RXFP1: variants seen among roughly 807,000 people sequenced by gnomAD.
RXFP1 encodes relaxin family peptide receptor 1.
In RXFP1, 73 loss-of-function variants were observed where a neutral mutation model predicts 89.8. The observed-to-expected ratio is 0.81, with a 90% CI of 0.67 to 0.99. The LOEUF is 0.99. Ranked by LOEUF, RXFP1 falls within the 50% of genes least tolerant of loss-of-function variation. The pLI, the probability that RXFP1 is intolerant of heterozygous loss-of-function variation, is 0.00. For synonymous variants in RXFP1, 277 were observed against 305.5 expected (o/e 0.91, Z 0.97); for missense variants, 793 against 895.5 (o/e 0.89, Z 1.46).
chr4:158,567,045 C>T (rs968335183), intron 1 of RXFP1, among the ~76,000 whole-genome samples: 2 of 152,286 alleles, frequency 1.3e-5, no homozygotes, highest in African/African-American at 2.4e-5. Context: ...AGTGGCCGGC[C>T]GGCCCGCCAG....
intron 1 of RXFP1, among the ~76,000 whole-genome samples, chr4:158,542,871 T>C (rs1747169784): frequency 6.6e-6 from 1 of 152,146 alleles, no homozygotes; most frequent in Non-Finnish European, 1.5e-5. Context: ...AACAGTGACT[T>C]AAACAAATAA....
chr4:158,585,506 A>T (rs1190601865), intron 2 of RXFP1, among the ~76,000 whole-genome samples: 2 of 152,160 alleles, frequency 1.3e-5, no homozygotes, highest in Non-Finnish European at 2.9e-5. Context: ...CAGAATTCAA[A>T]TTGGTATGCC....
At chr4:158,525,619 A>G (rs1742319717) in intron 1 of RXFP1, among the ~76,000 whole-genome samples, 1 of 152,226 alleles carries the variant, frequency 6.6e-6, no homozygotes, top group African/African-American at 2.4e-5. Context: ...AACTGTAAGC[A>G]TTTAGACCAT....
At chr4:158,542,109 A>ATATATATATATATATATATTTTTTT in intron 1 of RXFP1, among the ~76,000 whole-genome samples, 6 of 35,238 alleles carry the variant, frequency 1.7e-4, no homozygotes, top group Non-Finnish European at 2.8e-4. Context: ...ATATATATAT[A>ATATATATATATATATATATTTTTTT]TTTTTTTTTT....
chr4:158,590,915 C>T (rs1048309728), intron 2 of RXFP1, among the ~76,000 whole-genome samples: 5 of 152,172 alleles, frequency 3.3e-5, no homozygotes, highest in Non-Finnish European at 7.3e-5. Flanking sequence ...AGGGAATACA[C>T]CACTGTATAG....
At chr4:158,646,724 AT>A (rs1195776604) in intron 15 of RXFP1, 66 bp from the exon 16 acceptor site, 1 of 1,487,302 alleles carries the variant, frequency 6.7e-7, no homozygotes, top group Non-Finnish European at 9.0e-7. Flanking sequence ...TAAAAATATT[AT>A]TGCTTATTGA....
intron 12 of RXFP1, among the ~76,000 whole-genome samples, chr4:158,634,807 T>C (rs141188787): frequency 3.2e-4 from 48 of 152,304 alleles, no homozygotes; most frequent in African/African-American, 1.1e-3. Context: ...CCATTGAATG[T>C]CCTTGGCACC....
intron 9 of RXFP1, among the ~76,000 whole-genome samples, chr4:158,626,129 T>TAGAC (rs1766714608): frequency 1.4e-5 from 2 of 142,538 alleles, no homozygotes; most frequent in African/African-American, 5.2e-5. Flanking sequence ...GATAGATAGA[T>TAGAC]AGATAGATAG....
chr4:158,558,851 C>T (rs1751867350), intron 1 of RXFP1, among the ~76,000 whole-genome samples: 2 of 152,098 alleles, frequency 1.3e-5, no homozygotes, highest in Non-Finnish European at 2.9e-5. Flanking sequence ...TAAAACTACT[C>T]AGTACATTCA....
At chr4:158,615,647 T>C (rs989756675) in intron 8 of RXFP1, among the ~76,000 whole-genome samples, 19 of 151,710 alleles carry the variant, frequency 1.3e-4, no homozygotes, top group Non-Finnish European at 2.2e-4. Flanking sequence ...AACAATATAA[T>C]AATAAAAAGT....
intron 9 of RXFP1, among the ~76,000 whole-genome samples, chr4:158,619,957 C>T (rs1344522185): frequency 3.9e-5 from 6 of 152,104 alleles, no homozygotes. Context: ...CTGAGACAGC[C>T]CCATCCCCAA....
intron 3 of RXFP1, among the ~76,000 whole-genome samples, chr4:158,598,311 G>A (rs1259738767): frequency 2.0e-5 from 3 of 152,132 alleles, no homozygotes; most frequent in South Asian, 2.1e-4. Context: ...GGTAGATGTA[G>A]CTACACATGT....
intron 3 of RXFP1, among the ~76,000 whole-genome samples, chr4:158,598,126 G>C (rs1459888132): frequency 6.6e-6 from 1 of 152,066 alleles, no homozygotes; most frequent in East Asian, 1.9e-4. Flanking sequence ...ACACTTGCTT[G>C]CTCTCTGCAA....
At chr4:158,617,324 T>C in intron 9 of RXFP1, 119 bp downstream of exon 9, 1 of 613,882 alleles carries the variant, frequency 1.6e-6, no homozygotes, top group Non-Finnish European at 2.7e-6. Flanking sequence ...TAGTATCATA[T>C]CACATTTCCT....
At chr4:158,608,474 A>T (rs1762957341) in intron 6 of RXFP1, among the ~76,000 whole-genome samples, 1 of 151,618 alleles carries the variant, frequency 6.6e-6, no homozygotes, top group Non-Finnish European at 1.5e-5. Context: ...AAGAAAAAAA[A>T]AAAGCCTGAT....
chr4:158,568,123 T>C (rs938985473), intron 1 of RXFP1, among the ~76,000 whole-genome samples: 2 of 152,120 alleles, frequency 1.3e-5, no homozygotes, highest in African/African-American at 4.8e-5. Flanking sequence ...GCTTCACTCC[T>C]GAGCCAGTGA....
At chr4:158,525,957 C>T (rs1376497193) in intron 1 of RXFP1, among the ~76,000 whole-genome samples, 1 of 152,216 alleles carries the variant, frequency 6.6e-6, no homozygotes, top group Non-Finnish European at 1.5e-5. Flanking sequence ...CCTTAACAGA[C>T]CCCTGACCTA....
At chr4:158,602,505 A>G (rs1229643924) in intron 4 of RXFP1, among the ~76,000 whole-genome samples, 1 of 152,132 alleles carries the variant, frequency 6.6e-6, no homozygotes, top group African/African-American at 2.4e-5. Context: ...CAAAGTTCCT[A>G]ATAGAGTCTA....
At chr4:158,552,673 C>T (rs1750410500) in intron 1 of RXFP1, among the ~76,000 whole-genome samples, 1 of 152,054 alleles carries the variant, frequency 6.6e-6, no homozygotes, top group Non-Finnish European at 1.5e-5. Flanking sequence ...CAGAGGCAGA[C>T]AAATTAATGA....
Sources: allele counts gnomAD v4.1 joint callset (sites outside exome capture counted in the v4.1 genomes callset), GRCh38; gene constraint gnomAD v4.1.1; transcripts MANE v1.5; gene names NCBI Gene and HGNC (gene_info 2026-07-23, HGNC 2026-07-21).